The following TNNI3K variants were observed in gnomAD, a reference collection of about 807,000 sequenced individuals.
The protein encoded by TNNI3K is serine/threonine-protein kinase TNNI3K.
In TNNI3K, 140 loss-of-function variants were observed where a neutral mutation model predicts 114.5. That is an observed-to-expected ratio of 1.22 (90% CI 1.07 to 1.41). TNNI3K has a LOEUF of 1.41. Ranked by LOEUF, TNNI3K falls within the 40% of genes most tolerant of loss-of-function variation. The pLI, the probability that TNNI3K is intolerant of heterozygous loss-of-function variation, is 0.00. For missense variants in TNNI3K, 1,125 were observed against 1,007.6 expected, an observed-to-expected ratio of 1.12 and a Z score of -1.58; for synonymous variants, 347 against 347.5, an observed-to-expected ratio of 1.00 and a Z score of 0.02.
chr1:74,262,824 T>G (rs1655758637), intron 4 of TNNI3K, among the ~76,000 whole-genome samples: 1 of 152,116 alleles, frequency 6.6e-6, no homozygotes, highest in Non-Finnish European at 1.5e-5. Context: ...GCTTCAATTC[T>G]TACACCAGAC....
intron 21 of TNNI3K, chr1:74,468,516 C>A (rs1259182387): frequency 6.6e-6 from 1 of 151,940 alleles, no homozygotes; most frequent in Admixed American, 6.6e-5. Flanking sequence ...GCAATAAAGT[C>A]TTGAATATTG....
At chr1:74,478,243 C>T (rs564921941) in intron 21 of TNNI3K, among the ~76,000 whole-genome samples, 1 of 152,220 alleles carries the variant, frequency 6.6e-6, no homozygotes, top group South Asian at 2.1e-4. Flanking sequence ...CAAAGCACTA[C>T]AATTTAACAA....
intron 2 of TNNI3K, among the ~76,000 whole-genome samples, chr1:74,238,173 T>G (rs898575421): frequency 4.6e-5 from 7 of 152,028 alleles, no homozygotes; most frequent in Admixed American, 4.6e-4. Flanking sequence ...AATAATGTCT[T>G]CACCATATTA....
chr1:74,537,396 T>A (rs1373947580), intron 23 of TNNI3K, among the ~76,000 whole-genome samples: 3 of 152,176 alleles, frequency 2.0e-5, no homozygotes, highest in African/African-American at 7.2e-5. Context: ...GTCTTCTTCT[T>A]AAGTATTGCT....
chr1:74,376,993 A>G (rs1372378864), intron 17 of TNNI3K: 1 of 152,026 alleles, frequency 6.6e-6, no homozygotes, highest in African/African-American at 2.4e-5. Context: ...ACAGTATCTA[A>G]GAGAACTTTA....
chr1:74,326,134 A>G (rs920040714), intron 5 of TNNI3K, among the ~76,000 whole-genome samples: 1 of 152,194 alleles, frequency 6.6e-6, no homozygotes, highest in African/African-American at 2.4e-5. Flanking sequence ...ATAAAATACC[A>G]CTTAAAGCAA....
chr1:74,374,974 A>C (rs1446673174), intron 17 of TNNI3K: 1 of 152,000 alleles, frequency 6.6e-6, no homozygotes, highest in East Asian at 1.9e-4. Context: ...CACTGCAAAC[A>C]TACATGGATC....
chr1:74,480,309 G>C (rs1668421521), intron 21 of TNNI3K: 1 of 717,742 alleles, frequency 1.4e-6, no homozygotes, highest in Non-Finnish European at 2.6e-6. Flanking sequence ...GCGGTAGATG[G>C]CTGGCAATTT....
intron 5 of TNNI3K, among the ~76,000 whole-genome samples, chr1:74,295,128 C>G (rs1469807960): frequency 1.3e-5 from 2 of 151,348 alleles, no homozygotes; most frequent in East Asian, 3.9e-4. Context: ...TCTCATGGGT[C>G]ATTTATTTTT....
intron 23 of TNNI3K, among the ~76,000 whole-genome samples, chr1:74,529,824 C>T (rs550447682): frequency 1.3e-5 from 2 of 152,276 alleles, no homozygotes; most frequent in Non-Finnish European, 2.9e-5. Flanking sequence ...AAAGTCTTTG[C>T]ACATGCCCCT....
At chr1:74,240,205 A>T (rs1411559581) in intron 2 of TNNI3K, 1 of 206,668 alleles carries the variant, frequency 4.8e-6, no homozygotes, top group African/African-American at 2.3e-5. Context: ...ATTTGTACTT[A>T]TTTGTAAAAC....
intron 17 of TNNI3K, among the ~76,000 whole-genome samples, chr1:74,380,468 A>C: frequency 6.6e-6 from 1 of 152,080 alleles, no homozygotes; most frequent in East Asian, 1.9e-4. Context: ...CTTCCCTGTA[A>C]CAATGTCACC....
At chr1:74,398,312 C>T (rs1276173463) in intron 17 of TNNI3K, among the ~76,000 whole-genome samples, 1 of 152,046 alleles carries the variant, frequency 6.6e-6, no homozygotes, top group Admixed American at 6.6e-5. Flanking sequence ...GTAAGCAAAC[C>T]CATAATGAGA....
intron 5 of TNNI3K, among the ~76,000 whole-genome samples, chr1:74,284,530 G>T (rs1398379052): frequency 6.6e-6 from 1 of 152,156 alleles, no homozygotes; most frequent in Non-Finnish European, 1.5e-5. Flanking sequence ...TAAAAAACCT[G>T]CAATTACTTT....
chr1:74,382,949 T>C (rs1438902025), intron 17 of TNNI3K, among the ~76,000 whole-genome samples: 2 of 152,172 alleles, frequency 1.3e-5, no homozygotes, highest in African/African-American at 4.8e-5. Flanking sequence ...ATGGAGCACA[T>C]TTTAATAAGC....
At chr1:74,280,884 C>A (rs1199877073) in intron 5 of TNNI3K, among the ~76,000 whole-genome samples, 1 of 152,170 alleles carries the variant, frequency 6.6e-6, no homozygotes. Flanking sequence ...TCTCCCAACT[C>A]TGTGCAGTGC....
intron 12 of TNNI3K, 95 bp downstream of exon 12, chr1:74,367,437 G>A (rs2100515233): frequency 2.2e-6 from 3 of 1,356,376 alleles, no homozygotes; most frequent in Non-Finnish European, 1.0e-6. Context: ...TCAGGGGTTA[G>A]GGAGGAGGGC....
At chr1:74,400,951 T>G (rs1193519240) in intron 17 of TNNI3K, among the ~76,000 whole-genome samples, 1 of 152,230 alleles carries the variant, frequency 6.6e-6, no homozygotes, top group East Asian at 1.9e-4. Flanking sequence ...CAAATAATTT[T>G]AAGTCTAAGA....
At chr1:74,495,040 A>G (rs1461577903) in intron 23 of TNNI3K, among the ~76,000 whole-genome samples, 3 of 152,144 alleles carry the variant, frequency 2.0e-5, no homozygotes, top group African/African-American at 7.2e-5. Flanking sequence ...TTTTCAAAAA[A>G]CCTACATGCT....
Sources: gnomAD v4.1 joint callset for allele counts (sites outside exome capture counted in the v4.1 genomes callset) on GRCh38, gnomAD v4.1.1 for gene constraint, MANE v1.5 for transcripts, NCBI Gene and HGNC (gene_info 2026-07-23, HGNC 2026-07-21) for gene names.